Variants in RALGDS observed in about 807,000 individuals in gnomAD.
RALGDS encodes the protein ral guanine nucleotide dissociation stimulator.
Under a neutral mutation model 99.8 loss-of-function variants are expected in RALGDS, and 44 were observed. The observed-to-expected ratio is 0.44, with a 90% CI of 0.35 to 0.57. The LOEUF (loss-of-function observed/expected upper bound fraction) is 0.57. Among genes scored for constraint, RALGDS ranks in the 20% least tolerant of loss-of-function variants. The pLI is 0.01. For missense variants in RALGDS, 1,022 were observed against 1,203.1 expected (o/e 0.85, Z 2.23); for synonymous variants, 529 against 505.0 (o/e 1.05, Z -0.64).
chr9:133,136,945 C>G (rs1340172216), intron 1 of RALGDS, among the ~76,000 whole-genome samples: 1 of 144,012 alleles, frequency 6.9e-6, no homozygotes, highest in African/African-American at 2.6e-5. Context: ...TCTCAAAAAA[C>G]GAAACAAGGC....
At chr9:133,111,259 G>A in intron 2 of RALGDS, among the ~76,000 whole-genome samples, 1 of 152,160 alleles carries the variant, frequency 6.6e-6, no homozygotes, top group South Asian at 2.1e-4. Flanking sequence ...GGGAGGGACT[G>A]GCCCGTTAGG....
rs369868878 is a variant in RALGDS, at chr9:133,104,273, G to C, written c.1661C>G (p.Pro554Arg). 30 of 1,613,590 alleles carry C rather than the reference G, an allele frequency of 1.9e-5. No homozygotes were observed. The highest frequency in any genetic ancestry group is 2.5e-5 in the Non-Finnish European group (29 of 1,179,672). The part of the protein sequence containing the change: ...EMNPKRAQKR[P>R]KETGIIQGTV... Reference sequence around the variant, plus strand: ...CTTGGGCACTCTCACCGTCTCCTTCGGCCGTTTCTGGGCTCTCTTGGGGTT... The same window carrying C: ...CTTGGGCACTCTCACCGTCTCCTTCCGCCGTTTCTGGGCTCTCTTGGGGTT... Residue 554 changes from proline (P) to arginine (R), a missense_variant, in exon 10 of 18, where the codon CCG becomes CGG. By Grantham distance (103) the Pro-to-Arg change is moderately radical. Around this residue, in one of 3 missense-constraint regions of RALGDS, gnomAD observed 825 missense variants for 994.5 expected, o/e 0.83. Transcript: ENST00000372050.
intron 12 of RALGDS, 132 bp downstream of exon 12, chr9:133,103,098 G>T: frequency 7.1e-7 from 1 of 1,409,096 alleles, no homozygotes; most frequent in Non-Finnish European, 9.9e-7. Flanking sequence ...CAGTGGGAGG[G>T]GACCCCCTTC....
Position 133,144,588 on chromosome 9 carries a change from G to A in RALGDS, c.18+4375C>T, listed in dbSNP as rs116621035. Among the ~76,000 whole-genome samples the A allele has an allele frequency of 0.026, 3,987 of 152,312 alleles. 155 individuals carry two copies. Among genetic ancestry groups the A allele is most frequent in the African/African-American group, 0.091 (3,775 of 41,560 alleles). The stretch of plus-strand genomic sequence containing the variant: ...GCCGGGCTGGGCGGCCGCACGGGAG[G>A]GCACAGCGCCACCTGCTGGTGCTGC... On this transcript the variant is annotated intron_variant, in intron 1 of 17. Coordinates refer to the RALGDS transcript ENST00000393160. The surrounding 1 kb of genome is among the most constrained non-coding windows in gnomAD (Gnocchi z 4.5).
chr9:133,099,639 CATATAT>C (rs1564225271), intron 17 of RALGDS: 1 of 6,628 alleles, frequency 1.5e-4, no homozygotes, highest in Non-Finnish European at 6.5e-4. Flanking sequence ...TATATATACA[CATATAT>C]ACATACATAT....
intron 6 of RALGDS, 145 bp from the exon 7 acceptor site, chr9:133,107,445 G>A: frequency 2.6e-6 from 2 of 781,998 alleles, no homozygotes; most frequent in Non-Finnish European, 4.3e-6. Context: ...AAGTGACCCG[G>A]GACAGAACGC....
chr9:133,147,319 G>A (rs1204234788), intron 1 of RALGDS, among the ~76,000 whole-genome samples: 1 of 152,200 alleles, frequency 6.6e-6, no homozygotes, highest in African/African-American at 2.4e-5. Context: ...GCCCTCCATG[G>A]CAGCCCCGGC....
intron 17 of RALGDS, 42 bp downstream of exon 17, chr9:133,100,226 G>T: frequency 6.4e-7 from 1 of 1,561,062 alleles, no homozygotes; most frequent in Non-Finnish European, 8.8e-7. Context: ...GAGTGGTGTG[G>T]ACCTGCCCCC....
At chr9:133,109,499 A>G (rs1304715720) in intron 4 of RALGDS, 127 bp downstream of exon 4, 5 of 878,692 alleles carry the variant, frequency 5.7e-6, no homozygotes, top group South Asian at 1.3e-5. Flanking sequence ...GCCCTCTAGC[A>G]GGAACCACAA....
intron 6 of RALGDS, 134 bp from the exon 7 acceptor site, chr9:133,107,434 C>T: frequency 1.2e-6 from 1 of 830,858 alleles, no homozygotes; most frequent in East Asian, 2.7e-5. Flanking sequence ...GCCCAGCACA[C>T]AAGTGACCCG....
At position 133,103,270 on chromosome 9, in the gene RALGDS, G is replaced by A. The variant is rs1564229498; in HGVS notation, c.1759-8C>T. ...AAAGTTGATGAGTCTGCCCTGGAAGGTGGACACCCAATGGCCGTCAGAAAG... is the reference window on the plus strand; with the variant it reads ...AAAGTTGATGAGTCTGCCCTGGAAGATGGACACCCAATGGCCGTCAGAAAG... On this transcript the variant is annotated splice_polypyrimidine_tract_variant and splice_region_variant and intron_variant, in intron 11 of 17. Transcript: ENST00000372050. The A allele has an allele frequency of 1.9e-6, 3 of 1,613,956 alleles. No homozygotes were observed. Among genetic ancestry groups the A allele is most frequent in the South Asian group, 1.1e-5 (1 of 91,086 alleles).
chr9:133,098,791 G>A, intron 17 of RALGDS, 29 bp from the exon 18 acceptor site: 1 of 1,612,016 alleles, frequency 6.2e-7, no homozygotes, highest in Non-Finnish European at 8.5e-7. Flanking sequence ...GGGGTGATCA[G>A]GGATGCTCCT....
At chr9:133,126,404 G>A (rs534723866) in intron 1 of RALGDS, among the ~76,000 whole-genome samples, 3 of 152,330 alleles carry the variant, frequency 2.0e-5, no homozygotes, top group South Asian at 4.1e-4. Flanking sequence ...TTTGGCTTGC[G>A]AAGTGTTTTT....
chr9:133,119,593 C>G (rs567819979), intron 1 of RALGDS, among the ~76,000 whole-genome samples: 1 of 152,060 alleles, frequency 6.6e-6, no homozygotes, highest in Admixed American at 6.6e-5. Context: ...AGCGCTCCGC[C>G]GGACCCTCCC....
chr9:133,104,217 C>T (rs781016807), intron 10 of RALGDS, 46 bp downstream of exon 10: 128 of 1,556,400 alleles, frequency 8.2e-5, no homozygotes, highest in Non-Finnish European at 9.8e-5. Flanking sequence ...CTCCTCCCTA[C>T]CCCCAGGCCA....
At chr9:133,119,137 C>T (rs1043087920) in intron 1 of RALGDS, among the ~76,000 whole-genome samples, 3 of 152,124 alleles carry the variant, frequency 2.0e-5, no homozygotes, top group African/African-American at 4.8e-5. Context: ...AGGGAAGCAC[C>T]GGGTGGAAGC....
chr9:133,101,404 C>T, intron 16 of RALGDS, 116 bp downstream of exon 16: 2 of 1,579,452 alleles, frequency 1.3e-6, no homozygotes, highest in Non-Finnish European at 1.7e-6. Context: ...TGGCTGACAT[C>T]TGTCCTTCCC....
In RALGDS at chr9:133,105,944, C is replaced by T. The variant is rs1328631115; in HGVS notation, c.1590G>A (p.Glu530=). Residue 530 remains glutamate (E), a synonymous_variant, in exon 9 of 18, where the codon GAG becomes GAA. Coordinates refer to ENST00000372050, the MANE Select transcript of RALGDS (RefSeq NM_006266.4). Reference sequence around the variant, plus strand: ...GCCGCCACTCCACCTTGATGAGCAGCTCCCGGCTCAATGAGTAGTTGTTCT... The same window carrying T: ...GCCGCCACTCCACCTTGATGAGCAGTTCCCGGCTCAATGAGTAGTTGTTCT... ...SDENNYSLSR[E]LLIKEGTSKF... is the part of the protein sequence containing the mutation. 1.3e-6 allele frequency: 2 copies of T among 1,594,216 alleles called. No homozygotes were observed. Among genetic ancestry groups the T allele is most frequent in the Non-Finnish European group, 1.7e-6 (2 of 1,172,588 alleles).
At chr9:133,101,030 T>C (rs1234981488) in intron 16 of RALGDS, 14 of 1,063,236 alleles carry the variant, frequency 1.3e-5, no homozygotes, top group African/African-American at 1.7e-5. Flanking sequence ...GGCAAACCCA[T>C]TCTGTGAGCA....
Sources: allele counts gnomAD v4.1 joint callset (sites outside exome capture counted in the v4.1 genomes callset), GRCh38; gene constraint gnomAD v4.1.1; regional missense constraint gnomAD v4.1.1; non-coding constraint Gnocchi (gnomAD v3.1); transcripts MANE v1.5; gene names NCBI Gene and HGNC (gene_info 2026-07-23, HGNC 2026-07-21).